The following GALNT10 variants were observed in gnomAD, a reference collection of about 807,000 sequenced individuals.
GALNT10 encodes the protein polypeptide N-acetylgalactosaminyltransferase 10, also known as GalNAc transferase 10.
In GALNT10, 41 loss-of-function variants were observed where a neutral mutation model predicts 75.0. The ratio of observed to expected loss-of-function variants is 0.55; its 90% CI spans 0.43 to 0.71. The LOEUF (loss-of-function observed/expected upper bound fraction) is 0.71, where lower values mean the gene tolerates loss of function less well. Ranked by LOEUF, GALNT10 falls within the 30% of genes least tolerant of loss-of-function variation. GALNT10 has a pLI of 0.00. For synonymous variants in GALNT10, 302 were observed against 313.0 expected (o/e 0.96, Z 0.37); for missense variants, 727 against 818.5 (o/e 0.89, Z 1.36).
chr5:154,208,452 C>T (rs1775143446), intron 1 of GALNT10, among the ~76,000 whole-genome samples: 1 of 152,212 alleles, frequency 6.6e-6, no homozygotes, highest in Non-Finnish European at 1.5e-5. Flanking sequence ...AGCTGTGTGA[C>T]TTCGAGAAAT....
chr5:154,361,102 G>GT (rs1755379880), intron 4 of GALNT10, among the ~76,000 whole-genome samples: 1 of 151,984 alleles, frequency 6.6e-6, no homozygotes, highest in South Asian at 2.1e-4. Context: ...TCCATGGGTT[G>GT]TTTTTTCCTA....
intron 4 of GALNT10, among the ~76,000 whole-genome samples, chr5:154,334,346 A>G (rs560089516): frequency 1.3e-5 from 2 of 152,360 alleles, no homozygotes; most frequent in South Asian, 4.1e-4. Flanking sequence ...GCACTTTGCC[A>G]GGGGTCTCCA....
intron 1 of GALNT10, among the ~76,000 whole-genome samples, chr5:154,195,936 T>G (rs993332492): frequency 3.3e-5 from 5 of 152,242 alleles, no homozygotes; most frequent in East Asian, 1.9e-4. Context: ...TTTTGTTTTT[T>G]TTTGAAACGG....
intron 7 of GALNT10, among the ~76,000 whole-genome samples, chr5:154,394,585 G>T (rs1206257631): frequency 6.6e-6 from 1 of 152,140 alleles, no homozygotes. Flanking sequence ...GTAGAGAAAA[G>T]GTGTATCCAG....
chr5:154,399,966 G>A (rs1048271053), intron 7 of GALNT10, among the ~76,000 whole-genome samples: 1 of 152,112 alleles, frequency 6.6e-6, no homozygotes, highest in Admixed American at 6.5e-5. Context: ...AACACAGGGA[G>A]ACCCCCATGT....
intron 3 of GALNT10, among the ~76,000 whole-genome samples, chr5:154,326,290 A>G (rs1307699474): frequency 2.2e-4 from 34 of 152,308 alleles, no homozygotes; most frequent in Admixed American, 2.2e-3. Flanking sequence ...CTCATTTCAC[A>G]TTGCTGGTGG....
rs537121695 is a variant in GALNT10, at chr5:154,267,483, T to C, written c.160-27333T>C. Among the ~76,000 whole-genome samples the C allele has an allele frequency of 7.9e-5, 12 of 152,344 alleles. No homozygotes were observed. In the South Asian group the frequency reaches 1.9e-3, roughly 24 times the overall value. On this transcript the variant is annotated intron_variant, in intron 1 of 11. Transcript: ENST00000297107. ...AGAAAATCACTGGAGAAGAGGATGA[T>C]TGGAGTTCTTCATTTCTTAAAAAAC...
chr5:154,410,149 C>T lies in GALNT10; in HGVS notation c.1386+387C>T, dbSNP rs545151897. Among the ~76,000 whole-genome samples, 3 of 152,264 alleles carry T rather than the reference C, an allele frequency of 2.0e-5. No individual in the cohort carries two copies. The East Asian group carries it at 5.8e-4, about 29-fold the overall frequency. ...CAATCTAAACATGGCACACAACAAACTCAGCTTTTTACTTCACTTCTTGAT... is the reference window on the plus strand; with the variant it reads ...CAATCTAAACATGGCACACAACAAATTCAGCTTTTTACTTCACTTCTTGAT... On this transcript the variant is annotated intron_variant, in intron 9 of 11. Transcript: ENST00000297107.
intron 4 of GALNT10, among the ~76,000 whole-genome samples, chr5:154,331,712 G>A (rs1754867364): frequency 6.6e-6 from 1 of 152,212 alleles, no homozygotes; most frequent in African/African-American, 2.4e-5. Flanking sequence ...CAGGACGGAT[G>A]TGTGGGTGCA....
intron 5 of GALNT10, among the ~76,000 whole-genome samples, chr5:154,379,399 T>C (rs938210528): frequency 6.6e-6 from 1 of 152,238 alleles, no homozygotes; most frequent in African/African-American, 2.4e-5. Flanking sequence ...TTTTCTTTCC[T>C]GGAAGAAAAA....
intron 1 of GALNT10, among the ~76,000 whole-genome samples, chr5:154,219,830 T>TCACA (rs1160794970): frequency 2.6e-5 from 2 of 75,578 alleles, no homozygotes; most frequent in East Asian, 1.6e-3. Flanking sequence ...TCTCTCTCTC[T>TCACA]CTCTCTCTCA....
intron 1 of GALNT10, among the ~76,000 whole-genome samples, chr5:154,293,173 C>T (rs1056404944): frequency 6.6e-6 from 1 of 152,236 alleles, no homozygotes; most frequent in East Asian, 1.9e-4. Context: ...AGCGCAGGGA[C>T]GATTTTATTC....
chr5:154,335,140 C>T (rs528031095), intron 4 of GALNT10, among the ~76,000 whole-genome samples: 7 of 152,290 alleles, frequency 4.6e-5, no homozygotes, highest in South Asian at 2.1e-4. Flanking sequence ...TGGGTTCTTT[C>T]GCCTTTTTGA....
chr5:154,362,443 C>T lies in GALNT10; in HGVS notation c.569-13834C>T, dbSNP rs185929435. 4.3e-4 allele frequency among the ~76,000 whole-genome samples: 65 copies of T among 152,276 alleles called. No individual in the cohort carries two copies. The East Asian group carries it at 9.5e-3, about 22-fold the overall frequency. On this transcript the variant is annotated intron_variant, in intron 4 of 11. Coordinates refer to ENST00000297107, the MANE Select transcript of GALNT10 (RefSeq NM_198321.4). ...AACATTCAAAAGTAAAAATTGCTCA[C>T]TGCTAGGGTAGGGGGAAAATTACAG...
intron 7 of GALNT10, chr5:154,388,912 A>G (rs969185758): frequency 6.7e-6 from 1 of 148,666 alleles, no homozygotes; most frequent in African/African-American, 2.5e-5. Flanking sequence ...AGAAGGAAAG[A>G]AAGAGAGAGA....
chr5:154,196,283 G>A (rs113867345), intron 1 of GALNT10, among the ~76,000 whole-genome samples: 38 of 152,318 alleles, frequency 2.5e-4, no homozygotes, highest in African/African-American at 9.1e-4. Context: ...AAAGGGACAA[G>A]AGTAGAGGAA....
At position 154,272,264 on chromosome 5, in the gene GALNT10, T is replaced by G; in HGVS notation, c.160-22552T>G. ...ACCCCTCCTGAGGGAGCCATGCCAA[T>G]CTGATTAATTAAGGTAAATAGGGGA... On this transcript the variant is annotated intron_variant, in intron 1 of 11. Coordinates refer to ENST00000297107, the MANE Select transcript of GALNT10 (RefSeq NM_198321.4). 1.3e-5 allele frequency among the ~76,000 whole-genome samples: 2 copies of G among 152,166 alleles called. 1 individual carries two copies. Among genetic ancestry groups the G allele is most frequent in the Non-Finnish European group, 2.9e-5 (2 of 68,028 alleles).
chr5:154,227,519 C>G (rs955661568), intron 1 of GALNT10, among the ~76,000 whole-genome samples: 7 of 152,082 alleles, frequency 4.6e-5, no homozygotes, highest in African/African-American at 1.7e-4. Context: ...TTTCTTATTA[C>G]TGAATTTTGA....
intron 1 of GALNT10, among the ~76,000 whole-genome samples, chr5:154,226,734 C>G (rs1753068475): frequency 6.6e-6 from 1 of 152,114 alleles, no homozygotes; most frequent in African/African-American, 2.4e-5. Context: ...TAAGTTTTCA[C>G]ATATCTATAC....
Sources: allele counts gnomAD v4.1 joint callset (sites outside exome capture counted in the v4.1 genomes callset), GRCh38; gene constraint gnomAD v4.1.1; transcripts MANE v1.5; gene names NCBI Gene and HGNC (gene_info 2026-07-23, HGNC 2026-07-21).